The following ABCG1 variants were observed in gnomAD, a reference collection of about 807,000 sequenced individuals.
ABCG1 encodes ATP binding cassette subfamily G member 1.
In ABCG1, 29 loss-of-function variants were observed where a neutral mutation model predicts 69.2. The ratio of observed to expected loss-of-function variants is 0.42; its 90% CI spans 0.31 to 0.57. ABCG1 has a LOEUF of 0.57. Ranked by LOEUF, ABCG1 falls within the 20% of genes least tolerant of loss-of-function variation. ABCG1 has a pLI of 0.15. For synonymous variants in ABCG1, 370 were observed against 374.8 expected, an observed-to-expected ratio of 0.99 and a Z score of 0.15; for missense variants, 718 against 898.1, an observed-to-expected ratio of 0.80 and a Z score of 2.56.
intron 2 of ABCG1, among the ~76,000 whole-genome samples, chr21:42,269,043 C>G (rs185505552): frequency 2.0e-5 from 3 of 152,264 alleles, no homozygotes; most frequent in African/African-American, 7.2e-5. Context: ...TCTCAGAGCC[C>G]GAGGCATGAA....
At chr21:42,208,046 G>A (rs1046053936) in intron 2 of ABCG1, among the ~76,000 whole-genome samples, 2 of 152,152 alleles carry the variant, frequency 1.3e-5, no homozygotes, top group African/African-American at 2.4e-5. Context: ...ATTACAGCCT[G>A]AGGAGGGTGG....
At chr21:42,220,991 C>T (rs1277562929) in intron 1 of ABCG1, among the ~76,000 whole-genome samples, 1 of 152,066 alleles carries the variant, frequency 6.6e-6, no homozygotes, top group East Asian at 1.9e-4. Flanking sequence ...ATTTTTAATA[C>T]CAAGTTTTTA....
At chr21:42,275,970 G>A (rs988757147) in intron 4 of ABCG1, among the ~76,000 whole-genome samples, 1 of 152,192 alleles carries the variant, frequency 6.6e-6, no homozygotes, top group Non-Finnish European at 1.5e-5. Flanking sequence ...CAGCTCTGGG[G>A]CCTGAGACCT....
intron 2 of ABCG1, among the ~76,000 whole-genome samples, chr21:42,248,745 A>T (rs927511367): frequency 7.5e-5 from 11 of 146,966 alleles, no homozygotes; most frequent in Non-Finnish European, 1.5e-5. Flanking sequence ...AATTTAAAAA[A>T]TTAAAAAAAA....
At chr21:42,257,524 C>T (rs1452261673) in intron 2 of ABCG1, among the ~76,000 whole-genome samples, 1 of 152,186 alleles carries the variant, frequency 6.6e-6, no homozygotes, top group Non-Finnish European at 1.5e-5. Flanking sequence ...GCGTTCTTGT[C>T]CTAAAGCATG....
intron 1 of ABCG1, among the ~76,000 whole-genome samples, chr21:42,224,275 T>C (rs146004971): frequency 0.011 from 1,646 of 152,240 alleles, 15 homozygotes; most frequent in Non-Finnish European, 0.018. Flanking sequence ...GGCAGCAGCA[T>C]GGGATCCCAG....
At chr21:42,245,613 G>A (rs935748500) in intron 2 of ABCG1, among the ~76,000 whole-genome samples, 3 of 152,230 alleles carry the variant, frequency 2.0e-5, no homozygotes, top group African/African-American at 7.2e-5. Context: ...GGGTTCCCAT[G>A]TGGTGTGAGG....
chr21:42,273,538 G>C lies in ABCG1; in HGVS notation c.537+103G>C. 1 of 1,403,700 alleles carries C rather than the reference G, an allele frequency of 7.1e-7. No homozygotes were observed. Among genetic ancestry groups the C allele is most frequent in the Non-Finnish European group, 9.6e-7 (1 of 1,041,148 alleles). 87.0% of individuals were successfully genotyped at this position (1,403,700 alleles called of 1,614,324 possible). A position where few individuals can be genotyped will look rare whatever the true frequency, so the allele number is the denominator to read the frequency against. On this transcript the variant is annotated intron_variant, in intron 4 of 14. Coordinates refer to ENST00000398449, the MANE Select transcript of ABCG1 (RefSeq NM_016818.3). This position sits in a 1 kb window ranked among gnomAD's most constrained non-coding sequence, Gnocchi z 5.3. ...AGTGCCCAGCTGCGAGGGACCCAAG[G>C]GCTCTGCCACGCGGCCTGCACAGGG...
Position 42,271,092 on chromosome 21 carries a change from A to G in ABCG1, c.309A>G (p.Gly103=). 1 of 1,559,658 alleles carries G rather than the reference A, an allele frequency of 6.4e-7. No homozygotes were observed. Among genetic ancestry groups the G allele is most frequent in the Non-Finnish European group, 8.6e-7 (1 of 1,157,450 alleles). ...CAGGATACAAGACCCTCCTGAAAGG[A>G]ATTTCCGGGAAGTTCAATAGTGGTG... The part of the protein sequence containing the change: ...RKKGYKTLLK[G]ISGKFNSGEL... Residue 103 remains glycine, a synonymous_variant, in exon 3 of 15, where the codon GGA becomes GGG. Transcript: ENST00000398449.
rs2068997950 is a variant in ABCG1, at chr21:42,288,747, G to T, written c.1224+435G>T. Among the ~76,000 whole-genome samples the T allele has an allele frequency of 6.6e-6, 1 of 151,344 alleles. No homozygotes were observed. The highest frequency in any genetic ancestry group is 2.4e-5 in the African/African-American group (1 of 41,156). The stretch of plus-strand genomic sequence containing the variant: ...GGAAAGAAAGGAAGGGAAAGGGAAA[G>T]GGAGAAAGGAAGGGAAGGGAAGGAA... On this transcript the variant is annotated intron_variant, in intron 10 of 14. Coordinates refer to ENST00000398449, the MANE Select transcript of ABCG1 (RefSeq NM_016818.3). The surrounding 1 kb of genome is among the most constrained non-coding windows in gnomAD (Gnocchi z 4.8).
chr21:42,214,021 A>G (rs1569202069), upstream of ABCG1, among the ~76,000 whole-genome samples: 2 of 152,330 alleles, frequency 1.3e-5, no homozygotes, highest in South Asian at 2.1e-4. Flanking sequence ...TTTGGGCCCT[A>G]TTGAGATGGA....
Position 42,285,998 on chromosome 21 carries a change from A to G in ABCG1, c.973+4A>G. 1 of 1,601,536 alleles carries G rather than the reference A, an allele frequency of 6.2e-7. No homozygotes were observed. Among genetic ancestry groups the G allele is most frequent in the Non-Finnish European group, 8.6e-7 (1 of 1,168,512 alleles). On this transcript the variant is annotated splice_donor_region_variant and intron_variant, in intron 8 of 14. Transcript: ENST00000398449. ...TACCACAACCCAGCAGATTTTGGTA[A>G]GCGGAGTCCTGAGCAGCTCGGGGGA... is the stretch of plus-strand genomic sequence containing the variant.
upstream of ABCG1, chr21:42,216,140 C>G (rs764826860): frequency 6.0e-5 from 27 of 452,118 alleles, no homozygotes; most frequent in Non-Finnish European, 9.3e-5. Context: ...GTGAGACATG[C>G]CTTTCACCTT....
chr21:42,270,259 C>CAAAAAA (rs4006345), intron 2 of ABCG1, among the ~76,000 whole-genome samples: 2,309 of 87,018 alleles, frequency 0.027, 169 homozygotes, highest in African/African-American at 0.099. Context: ...GACTCAGTCT[C>CAAAAAA]AAAAAAAAAA....
chr21:42,219,143 G>A lies in ABCG1; in HGVS notation c.-120G>A, dbSNP rs866536681. On this transcript the variant is annotated 5_prime_UTR_variant, in exon 1 of 15. Coordinates refer to ENST00000398449, the MANE Select transcript of ABCG1 (RefSeq NM_016818.3). The surrounding 1 kb of genome is among the most constrained non-coding windows in gnomAD (Gnocchi z 5.3). ...GAGCCGGAGCCGGATCCCAGCCGGA[G>A]CCCAAGCGCAGCCCGCACCCCGCGC... 2.1e-4 allele frequency: 199 copies of A among 958,296 alleles called. 1 individual carries two copies. In the African/African-American group the frequency reaches 3.2e-3, roughly 15 times the overall value. 59.4% of individuals were successfully genotyped at this position (958,296 alleles called of 1,614,324 possible).
chr21:42,249,143 G>T (rs373280947), intron 2 of ABCG1, among the ~76,000 whole-genome samples: 1 of 152,146 alleles, frequency 6.6e-6, no homozygotes, highest in Admixed American at 6.6e-5. Flanking sequence ...CGAACGTGGT[G>T]CAAGATAGAG....
chr21:42,274,900 T>C (rs1291315732), intron 4 of ABCG1, among the ~76,000 whole-genome samples: 1 of 152,214 alleles, frequency 6.6e-6, no homozygotes, highest in Non-Finnish European at 1.5e-5. Context: ...CAGCTCCAGT[T>C]GCCAGTCATG....
At chr21:42,290,994 G>T (rs758644203) in intron 11 of ABCG1, 98 bp from the exon 12 acceptor site, 8 of 871,286 alleles carry the variant, frequency 9.2e-6, no homozygotes, top group Non-Finnish European at 1.5e-5. Flanking sequence ...GCCAGAGCTG[G>T]GTTACCAGCC....
rs577566323 is a variant in ABCG1, at chr21:42,288,053, C to T, written c.1122+16C>T. The stretch of plus-strand genomic sequence containing the variant: ...CTCTGAAGAGGTAAAGCAGACAAAA[C>T]GATTAAAGGGGTTGAGAAAGGTAAT... On this transcript the variant is annotated intron_variant, in intron 9 of 14. Transcript: ENST00000398449. This position sits in a 1 kb window ranked among gnomAD's most constrained non-coding sequence, Gnocchi z 4.8. 1.6e-5 allele frequency: 25 copies of T among 1,605,530 alleles called. No individual in the cohort carries two copies. The highest frequency in any genetic ancestry group is 1.3e-4 in the East Asian group (6 of 44,622).
Sources: allele counts gnomAD v4.1 joint callset (sites outside exome capture counted in the v4.1 genomes callset), GRCh38; gene constraint gnomAD v4.1.1; non-coding constraint Gnocchi (gnomAD v3.1); transcripts MANE v1.5; gene names NCBI Gene and HGNC (gene_info 2026-07-23, HGNC 2026-07-21).